TGM2: variants seen among roughly 807,000 people sequenced by gnomAD.
TGM2 encodes transglutaminase 2.
Under a neutral mutation model 75.6 loss-of-function variants are expected in TGM2, and 53 were observed. The ratio of observed to expected loss-of-function variants is 0.70; its 90% confidence interval spans 0.56 to 0.88. The LOEUF (loss-of-function observed/expected upper bound fraction) is 0.88. Among genes scored for constraint, TGM2 ranks in the 40% least tolerant of loss-of-function variants. The pLI is 0.00. For missense variants in TGM2, 842 were observed against 928.5 expected (o/e 0.91, Z 1.21); for synonymous variants, 374 against 381.1 (o/e 0.98, Z 0.22).
intron 3 of TGM2, among the ~76,000 whole-genome samples, chr20:38,153,346 G>A (rs1192911473): frequency 2.0e-5 from 3 of 151,920 alleles, no homozygotes. Flanking sequence ...CCAACATGGT[G>A]AAACTCTGTC....
At chr20:38,155,451 C>G (rs1029852229) in intron 3 of TGM2, among the ~76,000 whole-genome samples, 2 of 152,176 alleles carry the variant, frequency 1.3e-5, no homozygotes, top group Non-Finnish European at 2.9e-5. Flanking sequence ...AAGTGATCCT[C>G]CCACCTCAAC....
At chr20:38,148,934 TG>T (rs2075080180) in intron 4 of TGM2, among the ~76,000 whole-genome samples, 1 of 152,196 alleles carries the variant, frequency 6.6e-6, no homozygotes, top group African/African-American at 2.4e-5. Context: ...GGTCCTTTCC[TG>T]GGCCAGATCT....
At chr20:38,146,670 G>C (rs767121544) in intron 6 of TGM2, 47 bp downstream of exon 6, 1 of 1,608,506 alleles carries the variant, frequency 6.2e-7, no homozygotes, top group South Asian at 1.1e-5. Flanking sequence ...AGTGCTCTTC[G>C]TGCCCCCTCC....
At chr20:38,147,050 G>C (rs939777615) in intron 5 of TGM2, among the ~76,000 whole-genome samples, 156 bp from the exon 6 acceptor site, 22 of 152,094 alleles carry the variant, frequency 1.4e-4, no homozygotes, top group African/African-American at 5.3e-4. Context: ...TGACAGACTG[G>C]TGTGCGGCAG....
At position 38,150,969 on chromosome 20, in the gene TGM2, G is replaced by A. The variant is rs1474285323; in HGVS notation, c.522C>T (p.Phe174=). The A allele has an allele frequency of 6.8e-6, 11 of 1,614,036 alleles. No homozygotes were observed. The highest frequency in any genetic ancestry group is 9.3e-6 in the Non-Finnish European group (11 of 1,179,990). The change falls in exon 4 of 13, where the codon TTC becomes TTT. Residue 174 remains phenylalanine, a synonymous_variant. Coordinates refer to ENST00000361475, the MANE Select transcript of TGM2 (RefSeq NM_004613.4). Reference sequence around the variant, plus strand: ...CAAAATTCCAAGGTATGTTCTTGATGAACTTGGCCGAGCCCTGGTAGATAA... The same window carrying A: ...CAAAATTCCAAGGTATGTTCTTGATAAACTTGGCCGAGCCCTGGTAGATAA... ...QGFIYQGSAK[F]IKNIPWNFGQ...
chr20:38,151,079 C>T (rs1174714098), intron 3 of TGM2, 22 bp from the exon 4 acceptor site: 2 of 1,594,458 alleles, frequency 1.3e-6, no homozygotes, highest in Non-Finnish European at 1.7e-6. Context: ...AAGAAAGGGA[C>T]CTCAGCTCTG....
At chr20:38,151,603 G>A (rs868450731) in intron 3 of TGM2, among the ~76,000 whole-genome samples, 6 of 152,180 alleles carry the variant, frequency 3.9e-5, no homozygotes, top group Non-Finnish European at 8.8e-5. Flanking sequence ...CGTGAGGGAG[G>A]CGCATGATTC....
Position 38,157,749 on chromosome 20 carries a change from T to A in TGM2, c.191-1660A>T, listed in dbSNP as rs1190677277. 2.6e-5 allele frequency among the ~76,000 whole-genome samples: 4 copies of A among 152,226 alleles called. No individual in the cohort carries two copies. The East Asian group carries it at 7.7e-4, about 29-fold the overall frequency. ...AATAGTTAGTCTTGTTCAGTTTTCA[T>A]GAACGCCTCCTGGCTCTGTTTAGAG... On this transcript the variant is annotated intron_variant, in intron 2 of 12. Coordinates refer to ENST00000361475, the MANE Select transcript of TGM2 (RefSeq NM_004613.4).
chr20:38,161,541 C>G lies in TGM2; in HGVS notation c.69G>C (p.Thr23=), dbSNP rs753614429. ...ELETNGRDHH[T]ADLCREKLVV... ...CCAGCTTCTCCCGGCACAGGTCGGC[C>G]GTGTGGTGGTCTCGGCCATTGGTCT... is the stretch of plus-strand genomic sequence containing the variant. Residue 23 remains threonine (T), a synonymous_variant, in exon 2 of 13, where the codon ACG becomes ACC. Transcript: ENST00000361475. 6.2e-7 allele frequency: 1 copy of G among 1,614,152 alleles called. No individual in the cohort carries two copies. The highest frequency in any genetic ancestry group is 1.1e-5 in the South Asian group (1 of 91,076).
intron 10 of TGM2, among the ~76,000 whole-genome samples, chr20:38,133,948 TACAA>T (rs752224186): frequency 2.6e-5 from 4 of 151,908 alleles, no homozygotes; most frequent in South Asian, 2.1e-4. Flanking sequence ...AGAGAGAAAA[TACAA>T]ACAAAGTCAT....
rs377161987 is a variant in TGM2 at position 38,155,972 on chromosome 20, T to C, written c.308A>G (p.Gln103Arg). Residue 103 changes from glutamine to arginine, a missense_variant, in exon 3 of 13, where the codon CAG (glutamine) becomes CGG (arginine). Gln to Arg is a conservative substitution (Grantham distance 43). Coordinates refer to ENST00000361475, the MANE Select transcript of TGM2 (RefSeq NM_004613.4). ...VDQQDCTLSL[Q>R]LTTPANAPIG... The stretch of plus-strand genomic sequence containing the variant: ...GGGGGCGTTGGCCGGGGTGGTGAGC[T>C]GCAGCGAGAGGGTGCAGTCTTGCTG... The C allele has an allele frequency of 1.2e-6, 2 of 1,613,338 alleles. No homozygotes were observed. Among genetic ancestry groups the C allele is most frequent in the East Asian group, 2.2e-5 (1 of 44,850 alleles).
upstream of TGM2, among the ~76,000 whole-genome samples, chr20:38,167,172 C>T (rs1365334914): frequency 6.6e-6 from 1 of 152,120 alleles, no homozygotes; most frequent in East Asian, 1.9e-4. Flanking sequence ...TTCGGGACCT[C>T]AAGGAGAGAC....
At chr20:38,154,126 C>A (rs889911214) in intron 3 of TGM2, among the ~76,000 whole-genome samples, 1 of 152,234 alleles carries the variant, frequency 6.6e-6, no homozygotes, top group East Asian at 1.9e-4. Flanking sequence ...GATTACACTG[C>A]ACCTGGGCTT....
rs2122877071 is a variant in TGM2, at chr20:38,139,569, C to T, written c.1185G>A (p.Ala395=). 4.3e-6 allele frequency: 7 copies of T among 1,614,166 alleles called. No individual in the cohort carries two copies. The highest frequency in any genetic ancestry group is 2.2e-5 in the East Asian group (1 of 44,882). The part of the protein sequence containing the change: ...STKYDAPFVF[A]EVNADVVDWI... ...AGTCTACCACGTCGGCATTGACCTCCGCAAAGACAAAGGGCGCATCGTACT... is the reference window on the plus strand; with the variant it reads ...AGTCTACCACGTCGGCATTGACCTCTGCAAAGACAAAGGGCGCATCGTACT... The change falls in exon 9 of 13, where the codon GCG becomes GCA. Residue 395 remains alanine (A), a synonymous_variant. Coordinates refer to ENST00000361475, the MANE Select transcript of TGM2 (RefSeq NM_004613.4).
At chr20:38,144,392 T>C (rs2075018080) in intron 6 of TGM2, among the ~76,000 whole-genome samples, 2 of 152,102 alleles carry the variant, frequency 1.3e-5, no homozygotes, top group Non-Finnish European at 1.5e-5. Context: ...AGAGCAAGCA[T>C]TGAGGGGGTG....
intron 3 of TGM2, among the ~76,000 whole-genome samples, chr20:38,153,215 A>G (rs979951829): frequency 3.9e-5 from 6 of 152,118 alleles, no homozygotes; most frequent in African/African-American, 9.7e-5. Context: ...CAGGACACTC[A>G]ACGCCCTTAG....
At chr20:38,149,817 C>A (rs1007597723) in intron 4 of TGM2, among the ~76,000 whole-genome samples, 8 of 152,142 alleles carry the variant, frequency 5.3e-5, no homozygotes, top group Admixed American at 5.2e-4. Flanking sequence ...GCATCACGGT[C>A]ATACCACCAT....
chr20:38,168,100 C>T (rs1600530472), upstream of TGM2, among the ~76,000 whole-genome samples: 1 of 152,202 alleles, frequency 6.6e-6, no homozygotes, highest in African/African-American at 2.4e-5. Flanking sequence ...CACAGAATTC[C>T]AGGCCTGTCC....
At chr20:38,160,951 C>T (rs184801878) in intron 2 of TGM2, among the ~76,000 whole-genome samples, 246 of 152,284 alleles carry the variant, frequency 1.6e-3, no homozygotes, top group Admixed American at 2.5e-3. Context: ...CAGACATGTA[C>T]CACCATGCCT....
Sources: allele counts gnomAD v4.1 joint callset (sites outside exome capture counted in the v4.1 genomes callset), GRCh38; gene constraint gnomAD v4.1.1; transcripts MANE v1.5; gene names NCBI Gene and HGNC (gene_info 2026-07-23, HGNC 2026-07-21).